Variants in CYP4F22 observed in about 807,000 individuals in gnomAD.
CYP4F22 encodes the protein cytochrome P450 family 4 subfamily F member 22.
CYP4F22 carries 37 observed loss-of-function variants against 60.4 expected under a neutral mutation model. That is an observed-to-expected ratio of 0.61 (90% CI 0.47 to 0.81). The LOEUF is 0.81. Among genes scored for constraint, CYP4F22 ranks in the 30% least tolerant of loss-of-function variants. The probability of loss-of-function intolerance (pLI) is 0.00; values close to 1 mark genes in which losing one functional copy is unlikely to be tolerated. For missense variants in CYP4F22, 655 were observed against 715.0 expected (o/e 0.92, Z 0.96); for synonymous variants, 258 against 280.5 (o/e 0.92, Z 0.80).
At chr19:15,528,223 C>T (rs1040575930) in intron 3 of CYP4F22, among the ~76,000 whole-genome samples, 2 of 152,144 alleles carry the variant, frequency 1.3e-5, no homozygotes, top group Admixed American at 6.6e-5. Flanking sequence ...GAGGCCAAGG[C>T]AGGAGAATTG....
chr19:15,510,966 A>ATATATATATT (rs34055543), intron 1 of CYP4F22, among the ~76,000 whole-genome samples: 5 of 103,306 alleles, frequency 4.8e-5, no homozygotes, highest in African/African-American at 2.3e-4. Flanking sequence ...ATATATATAT[A>ATATATATATT]TTTTTTTTTT....
intron 4 of CYP4F22, among the ~76,000 whole-genome samples, chr19:15,531,715 C>T (rs1971344957): frequency 6.6e-6 from 1 of 152,178 alleles, no homozygotes; most frequent in Non-Finnish European, 1.5e-5. Flanking sequence ...GGCCTTGGCA[C>T]ATGCTTGCTG....
chr19:15,516,832 A>ATTCTTTT (rs1971160805), intron 1 of CYP4F22: 1 of 276,152 alleles, frequency 3.6e-6, no homozygotes, highest in Non-Finnish European at 5.9e-6. Context: ...AAGAGATGTT[A>ATTCTTTT]TTCTTTTTTT....
At chr19:15,547,141 G>A (rs970887530) in intron 10 of CYP4F22, among the ~76,000 whole-genome samples, 23 of 148,350 alleles carry the variant, frequency 1.6e-4, no homozygotes, top group African/African-American at 4.7e-4. Context: ...CTCTTGCCTC[G>A]GCCTCCCAAG....
intron 3 of CYP4F22, among the ~76,000 whole-genome samples, chr19:15,528,552 C>T (rs919647106): frequency 3.9e-5 from 5 of 128,924 alleles, no homozygotes; most frequent in African/African-American, 1.1e-4. Context: ...TCCTTGACAA[C>T]TCATCCTTTA....
At chr19:15,528,646 TC>T (rs1971309119) in intron 3 of CYP4F22, among the ~76,000 whole-genome samples, 3 of 152,216 alleles carry the variant, frequency 2.0e-5, no homozygotes, top group African/African-American at 4.8e-5. Flanking sequence ...AACCCTTGTC[TC>T]AGGACTTCCT....
At chr19:15,529,184 A>C (rs1404461283) in intron 3 of CYP4F22, among the ~76,000 whole-genome samples, 10 of 150,384 alleles carry the variant, frequency 6.6e-5, no homozygotes. Flanking sequence ...GCTGGAGTGC[A>C]ATGGCATGAT....
intron 12 of CYP4F22, among the ~76,000 whole-genome samples, chr19:15,549,607 C>T (rs990756068): frequency 2.0e-5 from 3 of 152,120 alleles, no homozygotes; most frequent in Admixed American, 6.6e-5. Flanking sequence ...GTGGGAGAAT[C>T]GCTTGGGCCC....
chr19:15,529,919 G>A, intron 4 of CYP4F22, 66 bp downstream of exon 4: 1 of 1,607,104 alleles, frequency 6.2e-7, no homozygotes. Flanking sequence ...TGAGATTCTA[G>A]GCAGGTGGGA....
At chr19:15,551,191 G>T (rs1971590961) in intron 13 of CYP4F22, 103 bp from the exon 14 acceptor site, 3 of 1,473,984 alleles carry the variant, frequency 2.0e-6, no homozygotes, top group Non-Finnish European at 2.8e-6. Flanking sequence ...TTAACCCTCA[G>T]CCAGCCCAGG....
At chr19:15,549,096 C>T (rs770036286) in intron 11 of CYP4F22, 42 bp from the exon 12 acceptor site, 4 of 1,611,528 alleles carry the variant, frequency 2.5e-6, no homozygotes, top group African/African-American at 1.3e-5. Context: ...TGGAGGAGGC[C>T]CTGGCTCCCC....
At chr19:15,515,732 A>G (rs78965925) in intron 1 of CYP4F22, among the ~76,000 whole-genome samples, 1 of 149,734 alleles carries the variant, frequency 6.7e-6, no homozygotes, top group East Asian at 2.1e-4. Context: ...TCTTTTTTTT[A>G]TTTTCTTTTG....
At chr19:15,532,714 C>T (rs4808316) in intron 4 of CYP4F22, among the ~76,000 whole-genome samples, 3,353 of 152,158 alleles carry the variant, frequency 0.022, 59 homozygotes, top group Middle Eastern at 0.051. Flanking sequence ...CCCTTCTCCT[C>T]CCCCTCAGAG....
At position 15,525,509 on chromosome 19, in the gene CYP4F22, G is replaced by T. The variant is rs201919272; in HGVS notation, c.173G>T (p.Cys58Phe). The change falls in exon 3 of 14, where the codon TGC becomes TTC. Residue 58 changes from cysteine (C) to phenylalanine (F), a missense_variant. Physicochemically the swap from Cys to Phe is radical, Grantham distance 205. This residue lies in a region of CYP4F22 where 430 missense variants were observed against 457.1 expected (regional missense o/e 0.94). Coordinates refer to ENST00000269703, the MANE Select transcript of CYP4F22 (RefSeq NM_173483.4). ...SFYITCRRLR[C>F]FPQPPRRNWL... ...TACATCACCTGCCGCCGGCTGCGCT[G>T]CTTCCCCCAGCCTCCCCGGCGCAAC... The T allele has an allele frequency of 5.0e-6, 8 of 1,612,696 alleles. No homozygotes were observed. The highest frequency in any genetic ancestry group is 3.3e-4 in the Middle Eastern group (2 of 6,058).
At chr19:15,546,539 G>A (rs1971528203) in intron 10 of CYP4F22, among the ~76,000 whole-genome samples, 1 of 152,066 alleles carries the variant, frequency 6.6e-6, no homozygotes, top group African/African-American at 2.4e-5. Context: ...AGCTGAGATT[G>A]TGCCACTGCA....
Position 15,550,703 on chromosome 19 carries a change from C to G in CYP4F22, c.1365C>G (p.Asp455Glu). ...KVYNPYRFDP[D>E]NPQQRSPLAY... is the part of the protein sequence containing the mutation. Reference sequence around the variant, plus strand: ...ACAACCCCTACCGCTTTGACCCGGACAACCCACAGCAGCGCTCTCCACTGG... The same window carrying G: ...ACAACCCCTACCGCTTTGACCCGGAGAACCCACAGCAGCGCTCTCCACTGG... Residue 455 changes from aspartate to glutamate, a missense_variant, in exon 13 of 14, where the codon GAC becomes GAG. Asp to Glu is a conservative substitution (Grantham distance 45). Transcript: ENST00000269703. The G allele has an allele frequency of 3.1e-6, 5 of 1,614,202 alleles. No individual in the cohort carries two copies. The highest frequency in any genetic ancestry group is 4.2e-6 in the Non-Finnish European group (5 of 1,180,032).
At chr19:15,551,209 CTTCA>C in intron 13 of CYP4F22, 81 bp from the exon 14 acceptor site, 1 of 1,534,504 alleles carries the variant, frequency 6.5e-7, no homozygotes, top group Non-Finnish European at 8.8e-7. Context: ...AGGATGCTTG[CTTCA>C]TTTTCAAAGG....
chr19:15,538,356 G>A (rs1220351714), intron 7 of CYP4F22, among the ~76,000 whole-genome samples: 2 of 152,112 alleles, frequency 1.3e-5, no homozygotes, highest in Admixed American at 6.5e-5. Context: ...TTCCTTGTTT[G>A]TAAAAAAAGG....
intron 1 of CYP4F22, among the ~76,000 whole-genome samples, chr19:15,523,170 C>A (rs1318827333): frequency 6.6e-6 from 1 of 151,006 alleles, no homozygotes; most frequent in Non-Finnish European, 1.5e-5. Flanking sequence ...GCCTGGCCAA[C>A]ATGGTGAAAC....
Sources: allele counts gnomAD v4.1 joint callset (sites outside exome capture counted in the v4.1 genomes callset), GRCh38; gene constraint gnomAD v4.1.1; regional missense constraint gnomAD v4.1.1; transcripts MANE v1.5; gene names NCBI Gene and HGNC (gene_info 2026-07-23, HGNC 2026-07-21).